ARHGAP18: variants seen among roughly 807,000 people sequenced by gnomAD.
ARHGAP18 encodes Rho GTPase activating protein 18.
A neutral mutation model predicts 86.2 loss-of-function variants in ARHGAP18; 67 were observed. The ratio of observed to expected loss-of-function variants is 0.78; its 90% CI spans 0.64 to 0.95. ARHGAP18 has a LOEUF of 0.95. Among genes scored for constraint, ARHGAP18 ranks in the 40% least tolerant of loss-of-function variants. ARHGAP18 has a pLI of 0.00. For synonymous variants in ARHGAP18, 283 were observed against 280.4 expected, an observed-to-expected ratio of 1.01 and a Z score of -0.09; for missense variants, 691 against 780.4, an observed-to-expected ratio of 0.89 and a Z score of 1.37.
In ARHGAP18 at chr6:129,643,017, T is replaced by C. The variant is rs1039689048; in HGVS notation, c.114-999A>G. Among the ~76,000 whole-genome samples the C allele has an allele frequency of 1.6e-4, 25 of 152,152 alleles. 1 individual carries two copies. The highest frequency in any genetic ancestry group is 5.3e-4 in the African/African-American group (22 of 41,458). ...TAAATTGAATAAATAAGAGTATTTG[T>C]ATAACTTCAAGTAAACAATGTTTTT... On this transcript the variant is annotated intron_variant, in intron 1 of 14. Coordinates refer to ENST00000368149, the MANE Select transcript of ARHGAP18 (RefSeq NM_033515.3).
intron 1 of ARHGAP18, among the ~76,000 whole-genome samples, chr6:129,706,974 C>T (rs1050295713): frequency 4.6e-5 from 7 of 151,058 alleles, no homozygotes; most frequent in African/African-American, 7.3e-5. Context: ...TGCCTGTAAT[C>T]CCAGCACTTT....
chr6:129,690,191 G>T (rs1302591596), intron 1 of ARHGAP18, among the ~76,000 whole-genome samples: 5 of 151,968 alleles, frequency 3.3e-5, no homozygotes, highest in African/African-American at 1.2e-4. Context: ...AAGTAAAAAT[G>T]CACCAACAAT....
At chr6:129,699,473 A>T (rs1488112216) in intron 1 of ARHGAP18, among the ~76,000 whole-genome samples, 1 of 152,226 alleles carries the variant, frequency 6.6e-6, no homozygotes, top group African/African-American at 2.4e-5. Flanking sequence ...ACTTAGTTGA[A>T]GATTTTATTT....
intron 1 of ARHGAP18, among the ~76,000 whole-genome samples, chr6:129,681,111 T>C (rs1304147943): frequency 1.3e-5 from 2 of 152,218 alleles, no homozygotes; most frequent in Admixed American, 6.5e-5. Flanking sequence ...GAAGTCTTAC[T>C]CTGTTGCCCA....
At chr6:129,588,518 GC>G (rs1788445679) in intron 12 of ARHGAP18, among the ~76,000 whole-genome samples, 1 of 152,216 alleles carries the variant, frequency 6.6e-6, no homozygotes, top group African/African-American at 2.4e-5. Context: ...GGGCAGCTCT[GC>G]CCCTGTGGCT....
At chr6:129,665,854 A>G (rs1204050052) in intron 1 of ARHGAP18, among the ~76,000 whole-genome samples, 2 of 152,074 alleles carry the variant, frequency 1.3e-5, no homozygotes, top group Non-Finnish European at 2.9e-5. Flanking sequence ...AGTTCAGGAG[A>G]AACTTGAATG....
intron 1 of ARHGAP18, among the ~76,000 whole-genome samples, chr6:129,673,573 T>A (rs1316796311): frequency 1.3e-5 from 2 of 152,226 alleles, no homozygotes; most frequent in Non-Finnish European, 2.9e-5. Context: ...TCTGTCTCAA[T>A]GAAACTTCTC....
intron 1 of ARHGAP18, among the ~76,000 whole-genome samples, chr6:129,668,380 A>T (rs1007149562): frequency 1.3e-4 from 19 of 150,336 alleles, no homozygotes; most frequent in East Asian, 1.9e-4. Flanking sequence ...ACACACACAC[A>T]CACACACACA....
At position 129,647,252 on chromosome 6, in the gene ARHGAP18, CT is replaced by C. The variant is rs138173228; in HGVS notation, c.114-5235del. Reference sequence around the variant, plus strand: ...TTTGGCCAGTATATTTGAAAATTGCCTTAATGTGCCTTTGTCATCCCTACCC... The same window carrying C: ...TTTGGCCAGTATATTTGAAAATTGCCTAATGTGCCTTTGTCATCCCTACCC... On this transcript the variant is annotated intron_variant, in intron 1 of 14. Transcript: ENST00000368149. 1.2e-3 allele frequency among the ~76,000 whole-genome samples: 177 copies of C among 152,286 alleles called. 1 individual carries two copies. Among genetic ancestry groups the C allele is most frequent in the African/African-American group, 4.0e-3 (168 of 41,568 alleles).
chr6:129,661,660 G>A (rs1030126019), intron 1 of ARHGAP18, among the ~76,000 whole-genome samples: 2 of 152,114 alleles, frequency 1.3e-5, no homozygotes, highest in African/African-American at 4.8e-5. Flanking sequence ...TGAGGGGCTT[G>A]AGAACAAGAT....
At chr6:129,699,674 G>A (rs1774679470) in intron 1 of ARHGAP18, among the ~76,000 whole-genome samples, 1 of 152,134 alleles carries the variant, frequency 6.6e-6, no homozygotes, top group Non-Finnish European at 1.5e-5. Context: ...TTCTCCCCTA[G>A]GAAAAATGGC....
At chr6:129,701,138 G>A (rs557664558) in intron 1 of ARHGAP18, among the ~76,000 whole-genome samples, 1 of 152,224 alleles carries the variant, frequency 6.6e-6, no homozygotes, top group South Asian at 2.1e-4. Flanking sequence ...GAAATGTCTG[G>A]GGAAATTTTA....
intron 10 of ARHGAP18, among the ~76,000 whole-genome samples, chr6:129,601,591 G>T (rs1051749547): frequency 6.6e-6 from 1 of 151,402 alleles, no homozygotes; most frequent in Admixed American, 6.6e-5. Context: ...TATTGTGATA[G>T]AGAAAGCGGG....
intron 1 of ARHGAP18, among the ~76,000 whole-genome samples, chr6:129,668,067 C>T (rs1774074651): frequency 6.6e-6 from 1 of 152,150 alleles, no homozygotes; most frequent in Non-Finnish European, 1.5e-5. Context: ...AAATCTGCAA[C>T]TTCAAGATAC....
intron 1 of ARHGAP18, among the ~76,000 whole-genome samples, chr6:129,668,641 G>A (rs776200339): frequency 7.2e-5 from 11 of 151,888 alleles, no homozygotes; most frequent in Admixed American, 4.6e-4. Flanking sequence ...ACCAGCTGCC[G>A]GAGCCCACCA....
intron 5 of ARHGAP18, among the ~76,000 whole-genome samples, chr6:129,625,035 ATTTATATAATATATATGAT>A (rs1789321779): frequency 1.5e-5 from 1 of 66,370 alleles, no homozygotes; most frequent in African/African-American, 8.1e-5. Context: ...TATGATATAT[ATTTATATAATATATATGAT>A]TGATATATAT....
intron 5 of ARHGAP18, among the ~76,000 whole-genome samples, chr6:129,624,692 C>T (rs996406875): frequency 1.8e-4 from 27 of 151,788 alleles, no homozygotes; most frequent in Admixed American, 6.6e-5. Flanking sequence ...TGCCTGTAAT[C>T]CTAGTGTTTT....
At chr6:129,615,471 G>A (rs1163934995) in intron 7 of ARHGAP18, among the ~76,000 whole-genome samples, 1 of 152,204 alleles carries the variant, frequency 6.6e-6, no homozygotes, top group Non-Finnish European at 1.5e-5. Flanking sequence ...AGTAGATTGA[G>A]CCTTAGTACT....
At chr6:129,678,171 C>A (rs1219155241) in intron 1 of ARHGAP18, among the ~76,000 whole-genome samples, 1 of 152,208 alleles carries the variant, frequency 6.6e-6, no homozygotes, top group East Asian at 1.9e-4. Context: ...TCACACCATG[C>A]CCCATTGAAC....
Sources: gnomAD v4.1 joint callset for allele counts (sites outside exome capture counted in the v4.1 genomes callset) on GRCh38, gnomAD v4.1.1 for gene constraint, MANE v1.5 for transcripts, NCBI Gene and HGNC (gene_info 2026-07-23, HGNC 2026-07-21) for gene names.